The following TRIP10 variants were observed in gnomAD, a reference collection of about 807,000 sequenced individuals.
The protein encoded by TRIP10 is cdc42-interacting protein 4.
In TRIP10, 54 loss-of-function variants were observed where a neutral mutation model predicts 80.9. The ratio of observed to expected loss-of-function variants is 0.67; its 90% CI spans 0.54 to 0.84. The LOEUF (loss-of-function observed/expected upper bound fraction) is 0.84, where lower values mean the gene tolerates loss of function less well. TRIP10 is among the 40% of genes least tolerant of loss of function. The pLI is 0.00. For synonymous variants in TRIP10, 321 were observed against 307.2 expected, an observed-to-expected ratio of 1.04 and a Z score of -0.47; for missense variants, 773 against 815.3, an observed-to-expected ratio of 0.95 and a Z score of 0.63.
chr19:6,745,073 C>CAG lies in TRIP10; in HGVS notation c.984+80_984+81dup. On this transcript the variant is annotated intron_variant, in intron 9 of 14. Coordinates refer to ENST00000313244, the MANE Select transcript of TRIP10 (RefSeq NM_001288962.2). This position sits in a 1 kb window ranked among gnomAD's most constrained non-coding sequence, Gnocchi z 7.2. ...AGTGGGGCCCCTATTGAGTCAGCCC[C>CAG]AGCCGCCTGAACGCCGAGTCTCGGG... 6.7e-7 allele frequency: 1 copy of CAG among 1,496,258 alleles called. No individual in the cohort carries two copies. Among genetic ancestry groups the CAG allele is most frequent in the East Asian group, 2.4e-5 (1 of 42,374 alleles). The allele number at this position is 1,496,258 out of a possible 1,614,324, so 92.7% of individuals were successfully genotyped here.
At chr19:6,742,885 ACCTGGAGGTGCGT>A in intron 3 of TRIP10, 69 bp from the exon 4 acceptor site, 1 of 1,548,214 alleles carries the variant, frequency 6.5e-7, no homozygotes, top group Non-Finnish European at 8.7e-7. Flanking sequence ...ACCCTTTTCC[ACCTGGAGGTGCGT>A]CCTGGGGCAT....
rs900088134 is a variant in TRIP10, at chr19:6,746,021, G to A, written c.985-8G>A. ...CAACCTATCCCCCTCCCCGGCCCCC[G>A]CCGGTAGCCTCGCCCCCCACCCCTC... On this transcript the variant is annotated splice_polypyrimidine_tract_variant and splice_region_variant and intron_variant, in intron 9 of 14. Coordinates refer to ENST00000313244, the MANE Select transcript of TRIP10 (RefSeq NM_001288962.2). This position sits in a 1 kb window ranked among gnomAD's most constrained non-coding sequence, Gnocchi z 6.2. 4.3e-5 allele frequency: 8 copies of A among 186,854 alleles called. No individual in the cohort carries two copies. Among genetic ancestry groups the A allele is most frequent in the Admixed American group, 5.9e-4 (1 of 1,690 alleles). 11.6% of individuals were successfully genotyped at this position (186,854 alleles called of 1,614,324 possible). A position where few individuals can be genotyped will look rare whatever the true frequency, so the allele number is the denominator to read the frequency against.
chr19:6,750,245 A>G, intron 12 of TRIP10, 47 bp from the exon 13 acceptor site: 1 of 1,606,368 alleles, frequency 6.2e-7, no homozygotes, highest in East Asian at 2.2e-5. Context: ...AAGTGGGCTG[A>G]CCCCGGAGCT....
chr19:6,744,402 G>A lies in TRIP10; in HGVS notation c.643-152G>A. The A allele has an allele frequency of 8.6e-7, 1 of 1,158,440 alleles. No individual in the cohort carries two copies. The highest frequency in any genetic ancestry group is 1.2e-6 in the Non-Finnish European group (1 of 812,154). The allele number at this position is 1,158,440 out of a possible 1,614,324, so 71.8% of individuals were successfully genotyped here. On this transcript the variant is annotated intron_variant, in intron 7 of 14. Coordinates refer to ENST00000313244, the MANE Select transcript of TRIP10 (RefSeq NM_001288962.2). The surrounding 1 kb of genome is among the most constrained non-coding windows in gnomAD (Gnocchi z 4.9). The stretch of plus-strand genomic sequence containing the variant: ...CTGTGTCTCTTCCCCAACCACAGTG[G>A]GCTGGAGTCTCTCTTCCCGACTCTG...
intron 13 of TRIP10, 29 bp downstream of exon 13, chr19:6,750,460 T>C: frequency 6.2e-7 from 1 of 1,613,816 alleles, no homozygotes; most frequent in Non-Finnish European, 8.5e-7. Context: ...GTGGGTCTGT[T>C]CCCAGGGTCC....
At chr19:6,748,474 T>C (rs895403132) in intron 11 of TRIP10, 12 of 152,180 alleles carry the variant, frequency 7.9e-5, no homozygotes, top group African/African-American at 2.7e-4. Flanking sequence ...AGTTTCTTCA[T>C]CTGTAAAGTG....
chr19:6,745,347 A>T lies in TRIP10; in HGVS notation c.984+353A>T, dbSNP rs1969084521. 1 of 334,368 alleles carries T rather than the reference A, an allele frequency of 3.0e-6. No homozygotes were observed. The highest frequency in any genetic ancestry group is 2.2e-5 in the African/African-American group (1 of 46,420). The allele number at this position is 334,368 out of a possible 1,614,324, so 20.7% of individuals were successfully genotyped here. On this transcript the variant is annotated intron_variant, in intron 9 of 14. Coordinates refer to ENST00000313244, the MANE Select transcript of TRIP10 (RefSeq NM_001288962.2). The surrounding 1 kb of genome is among the most constrained non-coding windows in gnomAD (Gnocchi z 7.2). Reference sequence around the variant, plus strand: ...TCCATCCTGCTGATGGGACTCTGGGAGCCGCCCTGCATGTCTTGCTTTCTT... The same window carrying T: ...TCCATCCTGCTGATGGGACTCTGGGTGCCGCCCTGCATGTCTTGCTTTCTT...
In TRIP10 at chr19:6,741,273, T is replaced by C. The variant is rs767266890; in HGVS notation, c.189T>C (p.Pro63=). Residue 63 remains proline, a synonymous_variant, in exon 3 of 15, where the codon CCT becomes CCC. Transcript: ENST00000313244. ...YLPKRPAKDD[P]ESKFSQQQSF... ...CCAAGAGACCTGCCAAGGATGATCC[T>C]GAGTCCAAGTAAGGTTGGAGAGGGG... is the stretch of plus-strand genomic sequence containing the variant. 43 of 1,609,302 alleles carry C rather than the reference T, an allele frequency of 2.7e-5. No homozygotes were observed. The highest frequency in any genetic ancestry group is 6.6e-5 in the South Asian group (6 of 90,474).
rs561590301 is a variant in TRIP10 at position 6,744,254 on chromosome 19, G to A, written c.643-300G>A. Among the ~76,000 whole-genome samples the A allele has an allele frequency of 3.9e-5, 6 of 152,234 alleles. No individual in the cohort carries two copies. Among genetic ancestry groups the A allele is most frequent in the East Asian group, 1.9e-4 (1 of 5,186 alleles). On this transcript the variant is annotated intron_variant, in intron 7 of 14. Transcript: ENST00000313244. The surrounding 1 kb of genome is among the most constrained non-coding windows in gnomAD (Gnocchi z 4.9). ...TAGCGCTCCACTCTCTGTCCCATCCGTGGCCCTGGGAGTATCAGGGCTGGT... is the reference window on the plus strand; with the variant it reads ...TAGCGCTCCACTCTCTGTCCCATCCATGGCCCTGGGAGTATCAGGGCTGGT...
chr19:6,743,599 G>T lies in TRIP10; in HGVS notation c.513+1G>T. 3 of 1,565,082 alleles carry T rather than the reference G, an allele frequency of 1.9e-6. No homozygotes were observed. The highest frequency in any genetic ancestry group is 2.6e-6 in the Non-Finnish European group (3 of 1,144,306). On this transcript the variant is annotated splice_donor_variant, in intron 6 of 14. Transcript: ENST00000313244. LOFTEE classifies it high-confidence loss of function. The stretch of plus-strand genomic sequence containing the variant: ...CGCCACCAAGGCTGATGTGGAGAAG[G>T]TGTGTGTGGCGGGGGCGGGGGGGGG...
intron 3 of TRIP10, among the ~76,000 whole-genome samples, 168 bp from the exon 4 acceptor site, chr19:6,742,799 A>C (rs1370221832): frequency 7.2e-6 from 1 of 139,766 alleles, no homozygotes; most frequent in Admixed American, 7.3e-5. Context: ...AAAAAAAAAA[A>C]TCTACTCAAG....
chr19:6,744,939 T>G lies in TRIP10; in HGVS notation c.929T>G (p.Leu310Arg), dbSNP rs746758330. 5.6e-6 allele frequency: 9 copies of G among 1,613,880 alleles called. No individual in the cohort carries two copies. In the African/African-American group the frequency reaches 1.2e-4, roughly 22 times the overall value. The change falls in exon 9 of 15, where the codon CTC becomes CGC. Residue 310 changes from leucine (L) to arginine (R), a missense_variant. Leu to Arg is a moderately radical substitution (Grantham distance 102). Coordinates refer to ENST00000313244, the MANE Select transcript of TRIP10 (RefSeq NM_001288962.2). The surrounding 1 kb of genome is among the most constrained non-coding windows in gnomAD (Gnocchi z 4.9). ...ACCCCCTCGGATGGACGGCCTGAACTCCGAGGCCCGGGTCGCAGCCGCACC... is the reference window on the plus strand; with the variant it reads ...ACCCCCTCGGATGGACGGCCTGAACGCCGAGGCCCGGGTCGCAGCCGCACC... ...LGTPSDGRPE[L>R]RGPGRSRTKR...
chr19:6,743,824 C>A lies in TRIP10; in HGVS notation c.630C>A (p.Pro210=), dbSNP rs141549374. 6.8e-6 allele frequency: 11 copies of A among 1,613,930 alleles called. No homozygotes were observed. The South Asian group carries it at 1.2e-4, about 18-fold the overall frequency. The part of the protein sequence containing the change: ...DQAHFYFSQM[P]QIFDKLQDMD... ...CCCACTTCTATTTTTCACAGATGCC[C>A]CAGATATTCGATGTGAGTGCTCCCA... Residue 210 remains proline, a synonymous_variant, in exon 7 of 15, where the codon CCC becomes CCA. Coordinates refer to ENST00000313244, the MANE Select transcript of TRIP10 (RefSeq NM_001288962.2).
chr19:6,743,692 C>T lies in TRIP10; in HGVS notation c.514-16C>T, dbSNP rs557915824. The T allele has an allele frequency of 3.1e-6, 5 of 1,613,692 alleles. No homozygotes were observed. The highest frequency in any genetic ancestry group is 1.3e-5 in the African/African-American group (1 of 75,000). ...GATCGGAACCTGGCAGTACCTTCCA[C>T]CTCTGCATTCTTCAGGCCAAGCAGC... On this transcript the variant is annotated splice_polypyrimidine_tract_variant and intron_variant, in intron 6 of 14. Coordinates refer to ENST00000313244, the MANE Select transcript of TRIP10 (RefSeq NM_001288962.2).
At position 6,743,624 on chromosome 19, in the gene TRIP10, G is replaced by A. The variant is rs1969000246; in HGVS notation, c.513+26G>A. On this transcript the variant is annotated intron_variant, in intron 6 of 14. Transcript: ENST00000313244. ...GTGTGTGTGGCGGGGGCGGGGGGGG[G>A]GTGCGGGGTCTGGGACAAGCTTGGG... 5 of 1,322,798 alleles carry A rather than the reference G, an allele frequency of 3.8e-6. No homozygotes were observed. In the African/African-American group the frequency reaches 4.3e-5, roughly 11 times the overall value. 81.9% of individuals were successfully genotyped at this position (1,322,798 alleles called of 1,614,324 possible).
intron 2 of TRIP10, 25 bp from the exon 3 acceptor site, chr19:6,741,200 C>G (rs925908552): frequency 6.2e-7 from 1 of 1,612,856 alleles, no homozygotes. Context: ...GCGGGCTCAG[C>G]CCTCCTACCT....
chr19:6,743,150 T>C, intron 4 of TRIP10, 36 bp downstream of exon 4: 2 of 1,614,118 alleles, frequency 1.2e-6, no homozygotes, highest in Non-Finnish European at 1.7e-6. Flanking sequence ...TACAAAGGGC[T>C]TCTGCTGGAA....
chr19:6,739,868 G>T, intron 1 of TRIP10, 83 bp downstream of exon 1: 1 of 1,339,480 alleles, frequency 7.5e-7, no homozygotes, highest in Non-Finnish European at 9.7e-7. Flanking sequence ...TCTTAGAGGG[G>T]GCTCCGCGCC....
chr19:6,743,088 C>T lies in TRIP10; in HGVS notation c.319C>T (p.Gln107Ter). The T allele has an allele frequency of 6.2e-7, 1 of 1,614,192 alleles. No homozygotes were observed. The highest frequency in any genetic ancestry group is 8.5e-7 in the Non-Finnish European group (1 of 1,180,042). Residue 107 changes from glutamine (Q) to a stop codon, truncating the protein, a stop_gained, in exon 4 of 15, where the codon CAA becomes TAA. Transcript: ENST00000313244. LOFTEE classifies it high-confidence loss of function. ...RVCLELTKYS[Q>*]EMKQERKMHF... ...ATGTCTTGAGCTGACCAAGTACTCA[C>T]AAGAGATGAAACAGGAGAGGAAGAT...
Sources: gnomAD v4.1 joint callset for allele counts (sites outside exome capture counted in the v4.1 genomes callset) on GRCh38, gnomAD v4.1.1 for gene constraint, Gnocchi (gnomAD v3.1) non-coding constraint, MANE v1.5 for transcripts, NCBI Gene and HGNC (gene_info 2026-07-23, HGNC 2026-07-21) for gene names.